Variants in SCNN1B observed in about 807,000 individuals in gnomAD.
SCNN1B encodes epithelial sodium channel subunit beta.
SCNN1B carries 46 observed loss-of-function variants against 65.3 expected under a neutral mutation model. The ratio of observed to expected loss-of-function variants is 0.70; its 90% CI spans 0.56 to 0.90. SCNN1B has a LOEUF of 0.90. Ranked by LOEUF, SCNN1B falls within the 40% of genes least tolerant of loss-of-function variation. The pLI is 0.00. For missense variants in SCNN1B, 751 were observed against 830.5 expected, an observed-to-expected ratio of 0.90 and a Z score of 1.18; for synonymous variants, 349 against 330.6, an observed-to-expected ratio of 1.06 and a Z score of -0.60.
intron 1 of SCNN1B, among the ~76,000 whole-genome samples, chr16:23,343,575 G>GA (rs1962107258): frequency 1.7e-5 from 2 of 116,228 alleles, no homozygotes; most frequent in African/African-American, 6.6e-5. Flanking sequence ...AAGAAAGAAA[G>GA]AAAAAGAGAA....
chr16:23,351,240 C>T (rs1307353678), intron 2 of SCNN1B, among the ~76,000 whole-genome samples: 1 of 152,188 alleles, frequency 6.6e-6, no homozygotes, highest in Non-Finnish European at 1.5e-5. Flanking sequence ...CTTCTGGGCA[C>T]TGATCCATGC....
At chr16:23,294,631 G>T (rs1960970034) in intron 2 of SCNN1B, among the ~76,000 whole-genome samples, 1 of 152,040 alleles carries the variant, frequency 6.6e-6, no homozygotes. Context: ...CCAGATATCT[G>T]CAGAGCCAAC....
chr16:23,294,350 T>C (rs1162530013), intron 2 of SCNN1B, among the ~76,000 whole-genome samples: 1 of 152,032 alleles, frequency 6.6e-6, no homozygotes, highest in African/African-American at 2.4e-5. Context: ...TGAGCTGAGA[T>C]TGTACCACTG....
intron 2 of SCNN1B, among the ~76,000 whole-genome samples, chr16:23,292,188 C>A (rs142562334): frequency 0.033 from 4,906 of 149,552 alleles, 248 homozygotes; most frequent in African/African-American, 0.11. Flanking sequence ...TATTTTATTT[C>A]TTTCTTTATT....
intron 1 of SCNN1B, among the ~76,000 whole-genome samples, chr16:23,345,480 G>C (rs1962167296): frequency 6.6e-6 from 1 of 152,190 alleles, no homozygotes; most frequent in African/African-American, 2.4e-5. Context: ...AAATGGCAAA[G>C]TCAGAAATTT....
At chr16:23,336,441 G>A (rs1408631314) in intron 1 of SCNN1B, among the ~76,000 whole-genome samples, 4 of 149,512 alleles carry the variant, frequency 2.7e-5, no homozygotes, top group East Asian at 2.0e-4. Context: ...GCACGATCTC[G>A]GCTCACTGCA....
intron 1 of SCNN1B, among the ~76,000 whole-genome samples, chr16:23,316,609 CACCATCATG>C (rs1961473983): frequency 3.3e-5 from 5 of 151,494 alleles, no homozygotes; most frequent in African/African-American, 9.8e-5. Context: ...TCACCATCAT[CACCATCATG>C]ATCACCATCA....
intron 1 of SCNN1B, among the ~76,000 whole-genome samples, chr16:23,326,217 T>C (rs1234669550): frequency 6.6e-6 from 1 of 151,656 alleles, no homozygotes; most frequent in East Asian, 1.9e-4. Context: ...CAGCATTCTA[T>C]TATAAGCTTT....
chr16:23,375,205 G>A (rs1962868458), intron 7 of SCNN1B, among the ~76,000 whole-genome samples: 2 of 152,128 alleles, frequency 1.3e-5, no homozygotes, highest in Admixed American at 6.5e-5. Context: ...CTGCAGACCA[G>A]TGGGCCACTC....
intron 2 of SCNN1B, among the ~76,000 whole-genome samples, chr16:23,287,133 T>C (rs1166930916): frequency 6.6e-6 from 1 of 151,300 alleles, no homozygotes; most frequent in Non-Finnish European, 1.5e-5. Flanking sequence ...GCCTCCCAAG[T>C]AGCTGGAATT....
chr16:23,375,661 G>T, intron 7 of SCNN1B, 77 bp from the exon 8 acceptor site: 1 of 1,044,602 alleles, frequency 9.6e-7, no homozygotes, highest in Non-Finnish European at 1.5e-6. Flanking sequence ...CACTTCTCTG[G>T]ACACCCCTGG....
chr16:23,324,159 C>T (rs1961644725), intron 1 of SCNN1B, among the ~76,000 whole-genome samples: 1 of 151,860 alleles, frequency 6.6e-6, no homozygotes, highest in Non-Finnish European at 1.5e-5. Context: ...ATGAAGATGC[C>T]ACCCAAGTCT....
chr16:23,358,159 G>A (rs1409148834), intron 4 of SCNN1B: 3 of 152,262 alleles, frequency 2.0e-5, no homozygotes, highest in Admixed American at 1.3e-4. Context: ...CTGGCCTGTT[G>A]TCAACATAGC....
At chr16:23,343,656 A>AAAGAAAAAAAGAAAGG (rs1555487090) in intron 1 of SCNN1B, among the ~76,000 whole-genome samples, 2 of 115,984 alleles carry the variant, frequency 1.7e-5, no homozygotes, top group South Asian at 5.9e-4. Context: ...AGAAAAAAAG[A>AAAGAAAAAAAGAAAGG]AAGGAAGGAA....
intron 1 of SCNN1B, among the ~76,000 whole-genome samples, chr16:23,331,402 A>C (rs1289729456): frequency 6.7e-6 from 1 of 149,978 alleles, no homozygotes; most frequent in East Asian, 2.0e-4. Flanking sequence ...TCTACTCACT[A>C]CAACCTCTGC....
intron 4 of SCNN1B, among the ~76,000 whole-genome samples, chr16:23,361,186 C>T (rs1046178890): frequency 5.9e-5 from 9 of 151,978 alleles, no homozygotes; most frequent in Non-Finnish European, 1.2e-4. Flanking sequence ...GCCATAGCCT[C>T]CCAAAGTGCT....
chr16:23,327,061 C>A (rs1961711982), intron 1 of SCNN1B, among the ~76,000 whole-genome samples: 1 of 152,022 alleles, frequency 6.6e-6, no homozygotes, highest in Non-Finnish European at 1.5e-5. Context: ...GGACTACAGG[C>A]ATGCATCACT....
chr16:23,292,085 G>T (rs373995330), intron 2 of SCNN1B, among the ~76,000 whole-genome samples: 1 of 151,662 alleles, frequency 6.6e-6, no homozygotes, highest in Non-Finnish European at 1.5e-5. Context: ...GCACCTCCAC[G>T]GCTTTCACCC....
intron 1 of SCNN1B, among the ~76,000 whole-genome samples, chr16:23,329,388 T>C (rs1477877255): frequency 3.3e-5 from 5 of 152,208 alleles, no homozygotes; most frequent in Non-Finnish European, 7.3e-5. Flanking sequence ...AGTGCTTGGA[T>C]TACAGTTGGG....
Sources: allele counts gnomAD v4.1 joint callset (sites outside exome capture counted in the v4.1 genomes callset), GRCh38; gene constraint gnomAD v4.1.1; transcripts MANE v1.5; gene names NCBI Gene and HGNC (gene_info 2026-07-23, HGNC 2026-07-21).